DHX34: variants seen among roughly 807,000 people sequenced by gnomAD.
The protein encoded by DHX34 is DExH-box helicase 34, also known as probable ATP-dependent RNA helicase DHX34.
DHX34 carries 96 observed loss-of-function variants against 111.1 expected under a neutral mutation model. The observed-to-expected ratio is 0.86, with a 90% CI of 0.73 to 1.02. The LOEUF (loss-of-function observed/expected upper bound fraction) is 1.02. Among genes scored for constraint, DHX34 ranks in the 50% least tolerant of loss-of-function variants. DHX34 has a pLI of 0.00. For synonymous variants in DHX34, 688 were observed against 670.4 expected, an observed-to-expected ratio of 1.03 and a Z score of -0.41; for missense variants, 1,560 against 1,579.9, an observed-to-expected ratio of 0.99 and a Z score of 0.21.
In DHX34 at chr19:47,373,706, G is replaced by C. The variant is rs758265327; in HGVS notation, c.2064+6G>C. 3 of 1,612,696 alleles carry C rather than the reference G, an allele frequency of 1.9e-6. No homozygotes were observed. The highest frequency in any genetic ancestry group is 2.5e-6 in the Non-Finnish European group (3 of 1,179,370). ...ACCTTCGGCGCCAGTTCAAGGTGAG[G>C]CTCGGGAGGAGGGGTAAGGCCGGCC... On this transcript the variant is annotated splice_donor_region_variant and intron_variant, in intron 9 of 16. Transcript: ENST00000328771.
intron 1 of DHX34, among the ~76,000 whole-genome samples, chr19:47,351,729 G>T (rs895391628): frequency 1.3e-5 from 2 of 152,138 alleles, no homozygotes; most frequent in Non-Finnish European, 2.9e-5. Flanking sequence ...GCCCTGATTG[G>T]CCCTTCTTGG....
chr19:47,349,348 G>C lies in DHX34; in HGVS notation c.-282G>C, dbSNP rs1322381231. ...GACCGGAAGTTAAGGCGTTCGCGGCGTGTGGTAAGTGAGGGGGGCGGGACG... is the reference window on the plus strand; with the variant it reads ...GACCGGAAGTTAAGGCGTTCGCGGCCTGTGGTAAGTGAGGGGGGCGGGACG... On this transcript the variant is annotated 5_prime_UTR_variant, in exon 1 of 17. Transcript: ENST00000328771. 6.6e-6 allele frequency: 1 copy of C among 152,538 alleles called. No homozygotes were observed. The allele number at this position is 152,538 out of a possible 1,614,324, so 9.4% of individuals were successfully genotyped here.
intron 11 of DHX34, 162 bp from the exon 12 acceptor site, chr19:47,376,281 A>C (rs2280694): frequency 0.064 from 93,694 of 1,466,194 alleles, 3,900 homozygotes; most frequent in African/African-American, 0.2. Context: ...TTGGGGAGTC[A>C]AGAGCACTAT....
chr19:47,382,048 G>A lies in DHX34; in HGVS notation c.3367G>A (p.Ala1123Thr), dbSNP rs1482712505. 6.2e-7 allele frequency: 1 copy of A among 1,614,112 alleles called. No homozygotes were observed. Among genetic ancestry groups the A allele is most frequent in the African/African-American group, 1.3e-5 (1 of 75,038 alleles). The change falls in exon 17 of 17, where the codon GCC becomes ACC. Residue 1123 changes from alanine to threonine, a missense_variant. Ala to Thr is a moderately conservative substitution (Grantham distance 58, BLOSUM62 0). Transcript: ENST00000328771. The part of the protein sequence containing the change: ...SVLQRPYHCE[A>T]CGKDFLFTPT... ...CCTGCAGAGGCCCTACCACTGCGAGGCCTGCGGGAAGGACTTCCTCTTTAC... is the reference window on the plus strand; with the variant it reads ...CCTGCAGAGGCCCTACCACTGCGAGACCTGCGGGAAGGACTTCCTCTTTAC...
intron 5 of DHX34, among the ~76,000 whole-genome samples, chr19:47,360,813 A>G (rs1262742873): frequency 1.3e-5 from 2 of 152,002 alleles, no homozygotes; most frequent in East Asian, 3.9e-4. Flanking sequence ...CTGGGATTAC[A>G]GACATGCATC....
At chr19:47,376,866 A>C (rs1257749888) in intron 12 of DHX34, 1 of 1,532,616 alleles carries the variant, frequency 6.5e-7, no homozygotes, top group African/African-American at 1.4e-5. Context: ...GGTCCTGCAG[A>C]GGGAGGCCCC....
In DHX34 at chr19:47,353,853, TC is replaced by T. The variant is rs1225248984; in HGVS notation, c.705+119del. 3.0e-6 allele frequency: 3 copies of T among 1,016,782 alleles called. 1 individual carries two copies. The African/African-American group carries it at 4.9e-5, about 16-fold the overall frequency. The allele number at this position is 1,016,782 out of a possible 1,614,324, so 63.0% of individuals were successfully genotyped here. On this transcript the variant is annotated intron_variant, in intron 2 of 16. Transcript: ENST00000328771. This position sits in a 1 kb window ranked among gnomAD's most constrained non-coding sequence, Gnocchi z 4.6. ...ACTTACCCTTGGACCCAGCGATGAT[TC>T]TTCTAGAACTTTATCCACAGAGTGG...
At chr19:47,351,603 T>C (rs921825938) in intron 1 of DHX34, among the ~76,000 whole-genome samples, 5 of 152,206 alleles carry the variant, frequency 3.3e-5, no homozygotes, top group African/African-American at 1.2e-4. Context: ...GGAAAGACTC[T>C]GTCATGTTCC....
chr19:47,377,206 G>A lies in DHX34; in HGVS notation c.2706G>A (p.Gln902=). 16 of 1,612,432 alleles carry A rather than the reference G, an allele frequency of 9.9e-6. No homozygotes were observed. The highest frequency in any genetic ancestry group is 1.4e-5 in the Non-Finnish European group (16 of 1,179,312). Residue 902 remains glutamine (Q), a splice_region_variant and synonymous_variant, in exon 13 of 17, where the codon CAG becomes CAA. Transcript: ENST00000328771. ...ACTGCGTCCGCATCCCTGCCCTCCAGGTGGGCCTCTGCCCCACCCCGCCCC... is the reference window on the plus strand; with the variant it reads ...ACTGCGTCCGCATCCCTGCCCTCCAAGTGGGCCTCTGCCCCACCCCGCCCC... The part of the protein sequence containing the change: ...LVNCVRIPAL[Q]SLLLFSRSLD...
intron 7 of DHX34, among the ~76,000 whole-genome samples, chr19:47,372,459 G>A (rs773864683): frequency 2.6e-5 from 4 of 152,158 alleles, no homozygotes; most frequent in Non-Finnish European, 4.4e-5. Flanking sequence ...AGTAGTCAGC[G>A]CTTAGACAGT....
At chr19:47,359,579 C>G (rs1599757617) in intron 4 of DHX34, among the ~76,000 whole-genome samples, 2 of 151,800 alleles carry the variant, frequency 1.3e-5, no homozygotes, top group African/African-American at 2.4e-5. Context: ...GTCAAGAGTT[C>G]AAGACCAGCC....
rs142904187 is a variant in DHX34, at chr19:47,357,889, G to A, written c.1041G>A (p.Ala347=). Residue 347 remains alanine, a synonymous_variant, in exon 4 of 17, where the codon GCG becomes GCA. Transcript: ENST00000328771. The part of the protein sequence containing the change: ...PITVVYQPQE[A]EPTTSKSEKL... The stretch of plus-strand genomic sequence containing the variant: ...AGGTTGTGTACCAGCCGCAGGAGGC[G>A]GAGCCGACCACGTCCAAGTCAGAGA... 362 of 1,613,650 alleles carry A rather than the reference G, an allele frequency of 2.2e-4. No individual in the cohort carries two copies. The highest frequency in any genetic ancestry group is 2.8e-4 in the Non-Finnish European group (334 of 1,179,860).
chr19:47,379,812 A>T lies in DHX34; in HGVS notation c.2809A>T (p.Ile937Phe). The T allele has an allele frequency of 6.2e-7, 1 of 1,613,774 alleles. No individual in the cohort carries two copies. The highest frequency in any genetic ancestry group is 8.5e-7 in the Non-Finnish European group (1 of 1,179,814). Residue 937 changes from isoleucine to phenylalanine, a missense_variant, in exon 14 of 17, where the codon ATC becomes TTC. Ile to Phe is a conservative substitution (Grantham distance 21, BLOSUM62 0). Coordinates refer to ENST00000328771, the MANE Select transcript of DHX34 (RefSeq NM_014681.6). ...ELQLADSESA[I>F]RLLAASLRLR... ...GCAGCTAGCAGACAGTGAAAGTGCC[A>T]TCCGACTCCTGGCGGCTTCCCTGCG... is the stretch of plus-strand genomic sequence containing the variant.
rs1174294068 is a variant in DHX34, at chr19:47,375,626, A to T, written c.2225A>T (p.Gln742Leu). Residue 742 changes from glutamine (Q) to leucine (L), a missense_variant, in exon 10 of 17, where the codon CAG (glutamine) becomes CTG (leucine). Physicochemically the swap from Gln to Leu is moderately radical, Grantham distance 113 (BLOSUM62 -2). Transcript: ENST00000328771. ...CGCAGGCGCAAGGTGCTGCGGCTGCAGGAGGAGCAGGACGGCGGCTCCAGT... is the reference window on the plus strand; with the variant it reads ...CGCAGGCGCAAGGTGCTGCGGCTGCTGGAGGAGCAGGACGGCGGCTCCAGT... ...AGRRRKVLRL[Q>L]EEQDGGSSDE... 7 of 1,551,732 alleles carry T rather than the reference A, an allele frequency of 4.5e-6. No individual in the cohort carries two copies. The South Asian group carries it at 7.0e-5, about 16-fold the overall frequency.
chr19:47,380,783 G>A, intron 14 of DHX34, 33 bp from the exon 15 acceptor site: 2 of 1,612,682 alleles, frequency 1.2e-6, no homozygotes, highest in Non-Finnish European at 1.7e-6. Flanking sequence ...CCCTGAGTCT[G>A]TCTCTCTCCA....
intron 7 of DHX34, chr19:47,372,525 A>G: frequency 8.1e-6 from 7 of 869,286 alleles, no homozygotes; most frequent in Non-Finnish European, 9.7e-6. Flanking sequence ...ACAAATGGGG[A>G]AACTGAGGCC....
intron 7 of DHX34, among the ~76,000 whole-genome samples, chr19:47,368,340 C>T (rs1969858604): frequency 1.0e-5 from 1 of 99,838 alleles, no homozygotes; most frequent in African/African-American, 3.9e-5. Context: ...GAGTTTCGCT[C>T]TTGTTGCCCA....
chr19:47,372,109 C>G (rs1334766927), intron 7 of DHX34, among the ~76,000 whole-genome samples: 1 of 151,356 alleles, frequency 6.6e-6, no homozygotes, highest in Non-Finnish European at 1.5e-5. Context: ...CTCTCTGTGG[C>G]CTCCCCTCTG....
rs1244793633 is a variant in DHX34 at position 47,353,141 on chromosome 19, C to G, written c.111C>G (p.Arg37=). Residue 37 remains arginine (R), a synonymous_variant, in exon 2 of 17, where the codon CGC becomes CGG. Transcript: ENST00000328771. The surrounding 1 kb of genome is among the most constrained non-coding windows in gnomAD (Gnocchi z 4.6). ...KWDWNCPETR[R]LLEDAFFREE... ...ACTGGAATTGTCCAGAGACGCGTCG[C>G]CTCTTGGAAGATGCCTTCTTCCGTG... 1 of 1,614,128 alleles carries G rather than the reference C, an allele frequency of 6.2e-7. No homozygotes were observed. The highest frequency in any genetic ancestry group is 1.7e-5 in the Admixed American group (1 of 60,000).
Sources: gnomAD v4.1 joint callset for allele counts (sites outside exome capture counted in the v4.1 genomes callset) on GRCh38, gnomAD v4.1.1 for gene constraint, Gnocchi (gnomAD v3.1) non-coding constraint, MANE v1.5 for transcripts, NCBI Gene and HGNC (gene_info 2026-07-23, HGNC 2026-07-21) for gene names.